Variants in PDE1A observed in about 807,000 individuals in gnomAD.
PDE1A encodes phosphodiesterase 1A, also known as dual specificity calcium/calmodulin-dependent 3',5'-cyclic nucleotide phosphodiesterase 1A.
In PDE1A, 35 loss-of-function variants were observed where a neutral mutation model predicts 61.7. That is an observed-to-expected ratio of 0.57 (90% CI 0.43 to 0.75). The LOEUF is 0.75. Among genes scored for constraint, PDE1A ranks in the 30% least tolerant of loss-of-function variants. The pLI is 0.00. For missense variants in PDE1A, 597 were observed against 630.6 expected, an observed-to-expected ratio of 0.95 and a Z score of 0.57; for synonymous variants, 232 against 213.2, an observed-to-expected ratio of 1.09 and a Z score of -0.77.
the PDE1A span, among the ~76,000 whole-genome samples, chr2:182,624,144 A>G: frequency 7.2e-6 from 1 of 138,412 alleles, no homozygotes; most frequent in Admixed American, 7.3e-5. Flanking sequence ...AAAAAAAAAG[A>G]AGAAGACAGG....
chr2:182,624,057 A>G, the PDE1A span, among the ~76,000 whole-genome samples: 15 of 150,172 alleles, frequency 1.0e-4, no homozygotes, highest in East Asian at 4.0e-4. Context: ...CCCGGGAGGC[A>G]GAGCTTGCAG....
At chr2:182,591,762 C>A in the PDE1A span, among the ~76,000 whole-genome samples, 13 of 152,140 alleles carry the variant, frequency 8.5e-5, no homozygotes, top group Non-Finnish European at 1.6e-4. Context: ...TAGTCAAGAA[C>A]CACTAGTCAA....
the PDE1A span, among the ~76,000 whole-genome samples, chr2:182,589,269 G>GAGGGAGGGAGGAAGGAAGGAAGGAAGGA: frequency 1.6e-4 from 20 of 121,940 alleles, no homozygotes; most frequent in African/African-American, 4.8e-4. Context: ...GGGAGGGAGG[G>GAGGGAGGGAGGAAGGAAGGAAGGAAGGA]AGGAAGGAAG....
intron 2 of PDE1A, among the ~76,000 whole-genome samples, chr2:182,497,963 G>A (rs1264099966): frequency 1.3e-5 from 2 of 149,704 alleles, no homozygotes; most frequent in East Asian, 2.0e-4. Context: ...GGAGAATGGC[G>A]TGAACCCAGG....
chr2:182,316,566 C>G (rs79968048), intron 1 of PDE1A, among the ~76,000 whole-genome samples: 2,414 of 152,152 alleles, frequency 0.016, 35 homozygotes, highest in South Asian at 0.068. Flanking sequence ...TTTGTTAATA[C>G]CTAAAATATT....
chr2:182,251,261 C>T (rs1049735745), intron 2 of PDE1A, among the ~76,000 whole-genome samples: 1 of 152,082 alleles, frequency 6.6e-6, no homozygotes, highest in Non-Finnish European at 1.5e-5. Context: ...GACTTAGTTC[C>T]TTTATCAGTA....
the PDE1A span, among the ~76,000 whole-genome samples, chr2:182,573,871 GTA>G: frequency 5.6e-3 from 770 of 138,126 alleles, 4 homozygotes; most frequent in South Asian, 0.012. Context: ...ATATACATAT[GTA>G]TATATATTAA....
At chr2:182,431,577 C>A (rs1379336203), upstream of PDE1A, among the ~76,000 whole-genome samples, 1 of 152,116 alleles carries the variant, frequency 6.6e-6, no homozygotes, top group East Asian at 1.9e-4. Context: ...TAACTTAAAT[C>A]TGATTTATCC....
chr2:182,551,052 C>A, the PDE1A span, among the ~76,000 whole-genome samples: 50 of 138,624 alleles, frequency 3.6e-4, no homozygotes, highest in East Asian at 4.1e-4. Flanking sequence ...TCAGCAAATA[C>A]AAAAAAAAAA....
At chr2:182,193,563 A>G (rs184513275) in intron 10 of PDE1A, among the ~76,000 whole-genome samples, 8 of 152,158 alleles carry the variant, frequency 5.3e-5, no homozygotes, top group Admixed American at 3.3e-4. Context: ...ATCTAGCCTT[A>G]TTTGGAAAAT....
intron 2 of PDE1A, among the ~76,000 whole-genome samples, chr2:182,438,067 G>A (rs1684555578): frequency 6.6e-6 from 1 of 151,780 alleles, no homozygotes; most frequent in Non-Finnish European, 1.5e-5. Context: ...GATTTTCAAG[G>A]TCAAGTTATT....
chr2:182,645,960 C>T, the PDE1A span, among the ~76,000 whole-genome samples: 1,257 of 152,124 alleles, frequency 8.3e-3, 20 homozygotes, highest in African/African-American at 0.028. Flanking sequence ...ATGAGTGATT[C>T]GTATCCTCCC....
intron 2 of PDE1A, among the ~76,000 whole-genome samples, chr2:182,439,229 T>C (rs1684636800): frequency 6.6e-6 from 1 of 151,822 alleles, no homozygotes; most frequent in Non-Finnish European, 1.5e-5. Flanking sequence ...ATGGTTCAAG[T>C]GAAGATATTT....
chr2:182,185,672 C>T (rs760450059), intron 13 of PDE1A: 103 of 718,824 alleles, frequency 1.4e-4, no homozygotes, highest in Middle Eastern at 4.2e-4. Context: ...CCCACTGACA[C>T]ACAGATCTGC....
intron 1 of PDE1A, among the ~76,000 whole-genome samples, chr2:182,298,349 T>C (rs1206947118): frequency 2.0e-5 from 3 of 152,182 alleles, no homozygotes; most frequent in African/African-American, 7.2e-5. Context: ...AAAGTCTCTG[T>C]GGCTGTATTT....
At chr2:182,581,405 T>C in the PDE1A span, among the ~76,000 whole-genome samples, 3 of 152,214 alleles carry the variant, frequency 2.0e-5, no homozygotes, top group Admixed American at 6.5e-5. Flanking sequence ...AAAAAGGCTC[T>C]GTGCATTCAA....
chr2:182,659,947 A>G, the PDE1A span, among the ~76,000 whole-genome samples: 1 of 152,238 alleles, frequency 6.6e-6, no homozygotes, highest in Non-Finnish European at 1.5e-5. Flanking sequence ...AAACTGCAAA[A>G]GAATAAAATT....
chr2:182,615,274 C>T, the PDE1A span, among the ~76,000 whole-genome samples: 2 of 152,246 alleles, frequency 1.3e-5, no homozygotes, highest in South Asian at 4.1e-4. Flanking sequence ...TCATTTGACT[C>T]CTCCTGGTAT....
chr2:182,656,388 A>G, the PDE1A span, among the ~76,000 whole-genome samples: 2 of 152,220 alleles, frequency 1.3e-5, no homozygotes, highest in East Asian at 3.8e-4. Flanking sequence ...CCAACTTGTG[A>G]TTTAGCTATA....
Sources: gnomAD v4.1 joint callset for allele counts (sites outside exome capture counted in the v4.1 genomes callset) on GRCh38, gnomAD v4.1.1 for gene constraint, MANE v1.5 for transcripts, NCBI Gene and HGNC (gene_info 2026-07-23, HGNC 2026-07-21) for gene names.